The following TNNI3K variants were observed in gnomAD, a reference collection of about 807,000 sequenced individuals.
TNNI3K encodes the protein TNNI3 interacting kinase.
In TNNI3K, 140 loss-of-function variants were observed where a neutral mutation model predicts 114.5. That is an observed-to-expected ratio of 1.22 (90% CI 1.07 to 1.41). TNNI3K has a LOEUF of 1.41. TNNI3K is among the 40% of genes most tolerant of loss of function. TNNI3K has a pLI of 0.00. For missense variants in TNNI3K, 1,125 were observed against 1,007.6 expected, an observed-to-expected ratio of 1.12 and a Z score of -1.58; for synonymous variants, 347 against 347.5, an observed-to-expected ratio of 1.00 and a Z score of 0.02.
intron 23 of TNNI3K, among the ~76,000 whole-genome samples, chr1:74,505,049 C>A (rs1419919935): frequency 6.6e-6 from 1 of 152,168 alleles, no homozygotes; most frequent in Non-Finnish European, 1.5e-5. Context: ...GATGAGAGTT[C>A]TATGAGGTTT....
At chr1:74,384,655 A>C (rs1663381911) in intron 17 of TNNI3K, among the ~76,000 whole-genome samples, 1 of 152,132 alleles carries the variant, frequency 6.6e-6, no homozygotes, top group South Asian at 2.1e-4. Flanking sequence ...GAGGTCTCAA[A>C]ACAGTTTGGC....
chr1:74,314,165 A>AAT (rs902599405), intron 5 of TNNI3K, among the ~76,000 whole-genome samples: 43 of 147,176 alleles, frequency 2.9e-4, no homozygotes, highest in East Asian at 7.9e-4. Flanking sequence ...TATATATATA[A>AAT]ATATATATAT....
intron 5 of TNNI3K, among the ~76,000 whole-genome samples, chr1:74,317,863 C>T (rs947385182): frequency 6.6e-6 from 1 of 152,166 alleles, no homozygotes; most frequent in Non-Finnish European, 1.5e-5. Flanking sequence ...TTCAGATGGA[C>T]CCGCTGATCA....
intron 11 of TNNI3K, among the ~76,000 whole-genome samples, chr1:74,361,964 G>T (rs1057476781): frequency 5.3e-5 from 8 of 152,032 alleles, no homozygotes; most frequent in African/African-American, 1.9e-4. Context: ...TCCTTACTGG[G>T]GCCTGCTGAT....
intron 20 of TNNI3K, among the ~76,000 whole-genome samples, chr1:74,450,118 A>T (rs367604097): frequency 6.9e-6 from 1 of 144,876 alleles, no homozygotes; most frequent in East Asian, 2.0e-4. Context: ...AAGCCGCTCA[A>T]CTACATGGAA....
At chr1:74,371,353 T>C (rs1248797273) in intron 17 of TNNI3K, 1 of 151,714 alleles carries the variant, frequency 6.6e-6, no homozygotes, top group Non-Finnish European at 1.5e-5. Context: ...TTCAGGGAGT[T>C]TTCACACTCT....
intron 11 of TNNI3K, among the ~76,000 whole-genome samples, chr1:74,364,633 G>T (rs1430564936): frequency 6.6e-6 from 1 of 151,900 alleles, no homozygotes; most frequent in African/African-American, 2.4e-5. Flanking sequence ...AAGAATCAAG[G>T]TTGTTATTTA....
In TNNI3K at chr1:74,543,835, G is replaced by A. The variant is rs75575439; in HGVS notation, c.2432-71G>A. 525 of 1,584,336 alleles carry A rather than the reference G, an allele frequency of 3.3e-4. 5 individuals are homozygous for A. The African/African-American group carries it at 6.0e-3, about 18-fold the overall frequency. ...GATCTGGAAGACCTGCCTGGTTCAG[G>A]CTGGTTATAAAAAATTGGGGGATGT... On this transcript the variant is annotated intron_variant, in intron 24 of 24. Transcript: ENST00000326637.
At chr1:74,281,865 A>G (rs952667871) in intron 5 of TNNI3K, among the ~76,000 whole-genome samples, 4 of 152,124 alleles carry the variant, frequency 2.6e-5, no homozygotes, top group African/African-American at 9.7e-5. Context: ...TTAAATTCCA[A>G]TATATGGTGA....
At chr1:74,457,233 A>G (rs1020972710) in intron 20 of TNNI3K, among the ~76,000 whole-genome samples, 1 of 152,212 alleles carries the variant, frequency 6.6e-6, no homozygotes, top group African/African-American at 2.4e-5. Context: ...TCAGTCCAAT[A>G]GATGGAGATA....
intron 4 of TNNI3K, among the ~76,000 whole-genome samples, chr1:74,260,700 T>G (rs1050382050): frequency 3.9e-5 from 6 of 152,038 alleles, no homozygotes; most frequent in African/African-American, 1.4e-4. Flanking sequence ...ATAGAAAAAT[T>G]AAAAGAAATG....
At chr1:74,314,050 TATATATA>T (rs1557491428) in intron 5 of TNNI3K, among the ~76,000 whole-genome samples, 1 of 43,710 alleles carries the variant, frequency 2.3e-5, no homozygotes, top group African/African-American at 9.4e-5. Flanking sequence ...GTTCATTATA[TATATATA>T]TATATATATA....
chr1:74,478,734 C>A (rs1668329502), intron 21 of TNNI3K, among the ~76,000 whole-genome samples: 1 of 152,178 alleles, frequency 6.6e-6, no homozygotes, highest in South Asian at 2.1e-4. Context: ...TGAACCCCAC[C>A]ATCTATTGCC....
chr1:74,543,964 C>T lies in TNNI3K; in HGVS notation c.2490C>T (p.Ser830=). The T allele has an allele frequency of 6.2e-7, 1 of 1,613,160 alleles. No individual in the cohort carries two copies. Among genetic ancestry groups the T allele is most frequent in the East Asian group, 2.2e-5 (1 of 44,804 alleles). ...MHFHSCRNSS[S]FEDSS ...TTCATTCTTGCCGAAATAGTAGCAG[C>T]TTTGAGGACAGCAGCTGACAGCATT... The change falls in exon 25 of 25, where the codon AGC becomes AGT. Residue 830 remains serine (S), a synonymous_variant. Transcript: ENST00000326637.
chr1:74,343,035 C>G (rs773259563), intron 8 of TNNI3K, 40 bp from the exon 9 acceptor site: 7 of 1,613,222 alleles, frequency 4.3e-6, no homozygotes, highest in South Asian at 1.1e-5. Flanking sequence ...ACTGCATGTA[C>G]TTGCTTACAA....
intron 20 of TNNI3K, among the ~76,000 whole-genome samples, chr1:74,462,053 A>G (rs574206501): frequency 7.9e-5 from 12 of 152,380 alleles, no homozygotes; most frequent in African/African-American, 2.6e-4. Context: ...GATGTAAAGT[A>G]TAAGAAATAT....
chr1:74,358,918 C>A (rs774958137), intron 11 of TNNI3K, among the ~76,000 whole-genome samples: 1 of 151,878 alleles, frequency 6.6e-6, no homozygotes, highest in Non-Finnish European at 1.5e-5. Flanking sequence ...CATTGAGTAT[C>A]TTTTACAGAT....
intron 23 of TNNI3K, among the ~76,000 whole-genome samples, chr1:74,511,555 G>A (rs1394441209): frequency 1.3e-5 from 2 of 151,948 alleles, no homozygotes; most frequent in East Asian, 1.9e-4. Flanking sequence ...AATTCCATTG[G>A]ATATGCATTT....
chr1:74,464,346 C>A (rs1428740548), intron 21 of TNNI3K, among the ~76,000 whole-genome samples: 1 of 152,166 alleles, frequency 6.6e-6, no homozygotes, highest in Non-Finnish European at 1.5e-5. Context: ...GTTTTGATAT[C>A]AATCGATTCC....
Sources: allele counts gnomAD v4.1 joint callset (sites outside exome capture counted in the v4.1 genomes callset), GRCh38; gene constraint gnomAD v4.1.1; transcripts MANE v1.5; gene names NCBI Gene and HGNC (gene_info 2026-07-23, HGNC 2026-07-21).